The following EXD3 variants were observed in gnomAD, a reference collection of about 807,000 sequenced individuals.
EXD3 encodes exonuclease mut-7 homolog.
Under a neutral mutation model 98.0 loss-of-function variants are expected in EXD3, and 92 were observed. The observed-to-expected ratio is 0.94, with a 90% confidence interval of 0.79 to 1.12. The LOEUF is 1.12. EXD3 is among the 50% of genes most tolerant of loss of function. The pLI is 0.00. For synonymous variants in EXD3, 569 were observed against 526.0 expected, an observed-to-expected ratio of 1.08 and a Z score of -1.12; for missense variants, 1,222 against 1,191.6, an observed-to-expected ratio of 1.03 and a Z score of -0.38.
At chr9:137,422,673 G>T (rs371780965) in intron 1 of EXD3, among the ~76,000 whole-genome samples, 6 of 152,212 alleles carry the variant, frequency 3.9e-5, no homozygotes, top group African/African-American at 1.4e-4. Flanking sequence ...AGGACTCAGC[G>T]CCGGTGGACA....
intron 2 of EXD3, among the ~76,000 whole-genome samples, chr9:137,391,246 G>A (rs1220585483): frequency 1.3e-5 from 2 of 152,252 alleles, no homozygotes; most frequent in Non-Finnish European, 2.9e-5. Context: ...CGCTCATCAC[G>A]GAGCTTCGTA....
intron 2 of EXD3, among the ~76,000 whole-genome samples, chr9:137,387,067 TTGGCCCCCGGCCCTTGCTTCCTGCC>T (rs1238534062): frequency 1.4e-5 from 2 of 138,428 alleles, no homozygotes; most frequent in East Asian, 4.5e-4. Flanking sequence ...TGCTCCGTGC[TTGGCCCCCGGCCCTTGCTTCCTGCC>T]TGGCCCCCGG....
At chr9:137,338,195 A>G (rs1318433570) in intron 17 of EXD3, among the ~76,000 whole-genome samples, 3 of 152,152 alleles carry the variant, frequency 2.0e-5, no homozygotes, top group Non-Finnish European at 2.9e-5. Context: ...TATACAGACT[A>G]TTTTCCTGAA....
At position 137,359,682 on chromosome 9, in the gene EXD3, G is replaced by A. The variant is rs140612814; in HGVS notation, c.657-3314C>T. The stretch of plus-strand genomic sequence containing the variant: ...TGAACTTGATGCAAATGGAATGATA[G>A]AATAGGGACACTTTGCCACTTTTGG... On this transcript the variant is annotated intron_variant, in intron 7 of 21. Coordinates refer to ENST00000340951, the MANE Select transcript of EXD3 (RefSeq NM_017820.5). 1.6e-3 allele frequency among the ~76,000 whole-genome samples: 141 copies of A among 86,202 alleles called. 42 individuals are homozygous for A. Among genetic ancestry groups the A allele is most frequent in the African/African-American group, 4.5e-3 (139 of 31,144 alleles). 56.6% of individuals were successfully genotyped at this position (86,202 alleles called of 152,430 possible). A position where few individuals can be genotyped will look rare whatever the true frequency, so the allele number is the denominator to read the frequency against.
At chr9:137,314,053 C>T (rs1156329399) in intron 19 of EXD3, among the ~76,000 whole-genome samples, 2 of 152,054 alleles carry the variant, frequency 1.3e-5, no homozygotes, top group Admixed American at 1.3e-4. Context: ...TCCTGAGGCC[C>T]CCAGGCTGCC....
intron 17 of EXD3, among the ~76,000 whole-genome samples, chr9:137,328,244 C>T (rs76990734): frequency 5.6e-4 from 13 of 23,168 alleles, no homozygotes; most frequent in Non-Finnish European, 1.0e-3. Context: ...TATACACCCA[C>T]ATGATGAGTA....
At chr9:137,328,703 CACACGGGACTACACGGGACT>C (rs1832677751) in intron 17 of EXD3, among the ~76,000 whole-genome samples, 1 of 27,634 alleles carries the variant, frequency 3.6e-5, no homozygotes, top group Non-Finnish European at 5.9e-5. Flanking sequence ...TACACAGGGT[CACACGGGACTACACGGGACT>C]ACACGGGACT....
chr9:137,356,116 C>T lies in EXD3; in HGVS notation c.757+152G>A, dbSNP rs890808250. Among the ~76,000 whole-genome samples the T allele has an allele frequency of 8.5e-4, 129 of 152,314 alleles. 1 individual carries two copies. Among genetic ancestry groups the T allele is most frequent in the African/African-American group, 2.9e-3 (122 of 41,580 alleles). On this transcript the variant is annotated intron_variant, in intron 8 of 21. Coordinates refer to ENST00000340951, the MANE Select transcript of EXD3 (RefSeq NM_017820.5). ...GGCCCACCTCACAGCCACTCTGGCACGAGCTGGGCAAGAGGCAGGGAGGGG... is the reference window on the plus strand; with the variant it reads ...GGCCCACCTCACAGCCACTCTGGCATGAGCTGGGCAAGAGGCAGGGAGGGG...
chr9:137,369,570 G>A (rs1588366775), intron 5 of EXD3, among the ~76,000 whole-genome samples: 2 of 152,178 alleles, frequency 1.3e-5, no homozygotes, highest in African/African-American at 4.8e-5. Context: ...ACAGCAAGGG[G>A]CAGGTGGCCA....
intron 17 of EXD3, among the ~76,000 whole-genome samples, chr9:137,334,009 AT>A (rs564734757): frequency 1.2e-4 from 17 of 144,790 alleles, no homozygotes; most frequent in South Asian, 6.6e-4. Flanking sequence ...AGCCCAGCAA[AT>A]TTTTTTTTTT....
chr9:137,354,965 G>A (rs892897263), intron 8 of EXD3, among the ~76,000 whole-genome samples, 192 bp from the exon 9 acceptor site: 5 of 152,182 alleles, frequency 3.3e-5, no homozygotes, highest in African/African-American at 4.8e-5. Flanking sequence ...TGGGGGTCCC[G>A]CCGGCCCCGG....
chr9:137,309,532 C>A (rs939351323), intron 20 of EXD3, 75 bp downstream of exon 20: 18 of 1,264,328 alleles, frequency 1.4e-5, no homozygotes, highest in South Asian at 6.4e-5. Flanking sequence ...GGGCCAGGCC[C>A]CTCTCCCTGG....
chr9:137,417,126 G>A (rs1333864311), intron 1 of EXD3, among the ~76,000 whole-genome samples: 8 of 152,290 alleles, frequency 5.3e-5, no homozygotes, highest in Admixed American at 3.9e-4. Flanking sequence ...GCCGCGTTGC[G>A]GGGTTTCATC....
At chr9:137,369,742 G>A (rs1298392363) in intron 5 of EXD3, among the ~76,000 whole-genome samples, 2 of 152,216 alleles carry the variant, frequency 1.3e-5, no homozygotes, top group African/African-American at 2.4e-5. Context: ...GGTACTGGCC[G>A]TGCTCCCCAG....
rs58516378 is a variant in EXD3 at position 137,357,744 on chromosome 9, G to GTATA, written c.657-1380_657-1377dup. 1.3e-3 allele frequency among the ~76,000 whole-genome samples: 195 copies of GTATA among 147,116 alleles called. 3 individuals carry two copies. In the East Asian group the frequency reaches 0.026, roughly 20 times the overall value. Reference sequence around the variant, plus strand: ...TTATATACAGGATATATATATATGTGTATATATATATAAAGGTGAGTTTAT... The same window carrying GTATA: ...TTATATACAGGATATATATATATGTGTATATATATATATATAAAGGTGAGTTTAT... On this transcript the variant is annotated intron_variant, in intron 7 of 21. Coordinates refer to ENST00000340951, the MANE Select transcript of EXD3 (RefSeq NM_017820.5).
Position 137,344,718 on chromosome 9 carries a change from T to G in EXD3, c.1998+3353A>C, listed in dbSNP as rs1461189552. Among the ~76,000 whole-genome samples, 9 of 152,334 alleles carry G rather than the reference T, an allele frequency of 5.9e-5. No homozygotes were observed. In the East Asian group the frequency reaches 1.7e-3, roughly 29 times the overall value. On this transcript the variant is annotated intron_variant, in intron 17 of 21. Transcript: ENST00000340951. ...TCCTTTCTGTTTAAGAGCGCTCCCC[T>G]CAGTCCCTCCTGCTCACATTCTATC...
chr9:137,328,065 A>G (rs1262298309), intron 17 of EXD3, among the ~76,000 whole-genome samples: 1 of 145,924 alleles, frequency 6.9e-6, no homozygotes, highest in East Asian at 2.0e-4. Flanking sequence ...TGATGAGTAA[A>G]AACAACTAAC....
Position 137,312,701 on chromosome 9 carries a change from A to AG in EXD3, c.2185-3002dup, listed in dbSNP as rs112922404. Among the ~76,000 whole-genome samples, 109 of 152,212 alleles carry AG rather than the reference A, an allele frequency of 7.2e-4. 1 individual carries two copies. The Middle Eastern group carries it at 0.014, about 19-fold the overall frequency. On this transcript the variant is annotated intron_variant, in intron 19 of 21. Transcript: ENST00000340951. ...ACCAAGGCAGAGGCCAAGATGTGTT[A>AG]GGGTGGGGTGAGCAGCTAGGAGGGC...
chr9:137,356,449 T>C (rs770028124), intron 7 of EXD3, 81 bp from the exon 8 acceptor site: 44 of 939,826 alleles, frequency 4.7e-5, no homozygotes, highest in Admixed American at 2.7e-4. Flanking sequence ...CATAGTCATA[T>C]GCATGCATAG....
Sources: gnomAD v4.1 joint callset for allele counts (sites outside exome capture counted in the v4.1 genomes callset) on GRCh38, gnomAD v4.1.1 for gene constraint, MANE v1.5 for transcripts, NCBI Gene and HGNC (gene_info 2026-07-23, HGNC 2026-07-21) for gene names.